ADCY9: variants seen among roughly 807,000 people sequenced by gnomAD.
ADCY9 encodes adenylate cyclase 9, also known as adenylate cyclase type 9.
In ADCY9, 50 loss-of-function variants were observed where a neutral mutation model predicts 101.5. That is an observed-to-expected ratio of 0.49 (90% CI 0.39 to 0.62). The LOEUF is 0.62. Among genes scored for constraint, ADCY9 ranks in the 20% least tolerant of loss-of-function variants. ADCY9 has a pLI of 0.00. For missense variants in ADCY9, 1,662 were observed against 1,800.4 expected, an observed-to-expected ratio of 0.92 and a Z score of 1.39; for synonymous variants, 905 against 769.3, an observed-to-expected ratio of 1.18 and a Z score of -2.92.
chr16:3,972,670 A>C (rs960650271), intron 10 of ADCY9, among the ~76,000 whole-genome samples: 35 of 152,294 alleles, frequency 2.3e-4, no homozygotes, highest in African/African-American at 7.9e-4. Context: ...AGCAAACATC[A>C]CTTGCAGTCC....
intron 2 of ADCY9, among the ~76,000 whole-genome samples, chr16:4,070,666 C>T (rs2056828432): frequency 2.0e-5 from 3 of 152,058 alleles, no homozygotes; most frequent in Middle Eastern, 6.8e-3. Context: ...AAGAAAAAAG[C>T]GAAGTGCAGT....
At chr16:4,012,109 C>T (rs1469398676) in intron 2 of ADCY9, among the ~76,000 whole-genome samples, 1 of 152,186 alleles carries the variant, frequency 6.6e-6, no homozygotes, top group East Asian at 1.9e-4. Flanking sequence ...TTAGGAAGCG[C>T]TGAATGACCA....
chr16:3,981,425 C>A (rs1401525986), intron 7 of ADCY9, among the ~76,000 whole-genome samples: 1 of 152,148 alleles, frequency 6.6e-6, no homozygotes, highest in Non-Finnish European at 1.5e-5. Context: ...GGAAGGCAGA[C>A]CTGGGGGAGT....
Position 3,963,650 on chromosome 16 carries a change from G to A in ADCY9, c.*2125C>T, listed in dbSNP as rs1383139381. 6.7e-6 allele frequency: 2 copies of A among 299,760 alleles called. No individual in the cohort carries two copies. Among genetic ancestry groups the A allele is most frequent in the Non-Finnish European group, 1.2e-5 (2 of 163,672 alleles). 18.6% of individuals were successfully genotyped at this position (299,760 alleles called of 1,614,324 possible). On this transcript the variant is annotated 3_prime_UTR_variant, in exon 11 of 11. Coordinates refer to ENST00000294016, the MANE Select transcript of ADCY9 (RefSeq NM_001116.4). ...TTGATGGGGAAGAAGTGTGTGCGGA[G>A]AACTTTGCGGAGCATGTTCTGAGCG...
At chr16:4,046,231 T>G (rs958747848) in intron 2 of ADCY9, among the ~76,000 whole-genome samples, 8 of 152,070 alleles carry the variant, frequency 5.3e-5, no homozygotes, top group Non-Finnish European at 1.0e-4. Flanking sequence ...ATCAGCACAG[T>G]GCCCAGCACT....
At chr16:4,058,746 T>C (rs1031973642) in intron 2 of ADCY9, among the ~76,000 whole-genome samples, 53 of 152,260 alleles carry the variant, frequency 3.5e-4, no homozygotes, top group African/African-American at 1.2e-3. Flanking sequence ...GCAGCGGAAC[T>C]GAGTCCACCG....
chr16:4,097,487 T>TATATATATACACACACACACAC (rs76750792), intron 2 of ADCY9, among the ~76,000 whole-genome samples: 81 of 72,460 alleles, frequency 1.1e-3, no homozygotes, highest in Non-Finnish European at 1.7e-3. Flanking sequence ...TATATATATA[T>TATATATATACACACACACACAC]ACACACACAC....
At chr16:3,989,716 G>A (rs1225158072) in intron 5 of ADCY9, among the ~76,000 whole-genome samples, 2 of 152,212 alleles carry the variant, frequency 1.3e-5, no homozygotes, top group Non-Finnish European at 2.9e-5. Flanking sequence ...ATTAGGAGAA[G>A]ATGAAGGCAG....
chr16:3,959,088 C>T (rs1488161453), downstream of ADCY9, among the ~76,000 whole-genome samples: 6 of 151,956 alleles, frequency 3.9e-5, no homozygotes, highest in East Asian at 1.9e-4. Context: ...TGGCCAGGCA[C>T]GGTGGCTCAC....
At chr16:4,067,955 A>G (rs2056810716) in intron 2 of ADCY9, among the ~76,000 whole-genome samples, 1 of 152,218 alleles carries the variant, frequency 6.6e-6, no homozygotes. Flanking sequence ...CTTTAATTAA[A>G]TGGGTTAAGG....
Position 4,115,840 on chromosome 16 carries a change from A to C in ADCY9, c.-194T>G. 2.5e-6 allele frequency: 1 copy of C among 401,834 alleles called. No homozygotes were observed. Among genetic ancestry groups the C allele is most frequent in the Non-Finnish European group, 4.4e-6 (1 of 228,540 alleles). The allele number at this position is 401,834 out of a possible 1,614,324, so 24.9% of individuals were successfully genotyped here. A position where few individuals can be genotyped will look rare whatever the true frequency, so the allele number is the denominator to read the frequency against. ...TCGCCTCCTCCAGCTGCGGCTCCGGAGGGAAGTTCAGACCTTGAGCGCTCC... is the reference window on the plus strand; with the variant it reads ...TCGCCTCCTCCAGCTGCGGCTCCGGCGGGAAGTTCAGACCTTGAGCGCTCC... On this transcript the variant is annotated 5_prime_UTR_variant, in exon 1 of 11. Transcript: ENST00000294016. The surrounding 1 kb of genome is among the most constrained non-coding windows in gnomAD (Gnocchi z 6.2).
At chr16:4,023,642 G>C (rs905310468) in intron 2 of ADCY9, among the ~76,000 whole-genome samples, 4 of 152,196 alleles carry the variant, frequency 2.6e-5, no homozygotes, top group Non-Finnish European at 5.9e-5. Flanking sequence ...GCCAGGTGCA[G>C]TGATTCACAC....
In ADCY9 at chr16:4,114,021, C is replaced by A. The variant is rs762008865; in HGVS notation, c.1422G>T (p.Glu474Asp). 4.4e-5 allele frequency: 71 copies of A among 1,613,890 alleles called. 1 individual carries two copies. In the South Asian group the frequency reaches 7.6e-4, roughly 17 times the overall value. Residue 474 changes from glutamate (E) to aspartate (D), a missense_variant, in exon 2 of 11, where the codon GAG becomes GAT. This residue lies in a region of ADCY9 where 228 missense variants were observed against 301.1 expected (regional missense o/e 0.76). Transcript: ENST00000294016. The surrounding 1 kb of genome is among the most constrained non-coding windows in gnomAD (Gnocchi z 4.3). ...EMGLGMIKAI[E>D]QFCQEKKEMV... ...TCTCCTTCTTCTCCTGGCAGAACTG[C>A]TCGATGGCCTTGATCATGCCCAGGC...
In ADCY9 at chr16:4,115,548, G is replaced by C. The variant is rs1168756658; in HGVS notation, c.-43-63C>G. The C allele has an allele frequency of 1.5e-6, 2 of 1,364,360 alleles. No individual in the cohort carries two copies. Among genetic ancestry groups the C allele is most frequent in the Non-Finnish European group, 1.9e-6 (2 of 1,032,046 alleles). 84.5% of individuals were successfully genotyped at this position (1,364,360 alleles called of 1,614,324 possible). A position where few individuals can be genotyped will look rare whatever the true frequency, so the allele number is the denominator to read the frequency against. On this transcript the variant is annotated intron_variant, in intron 1 of 10. Coordinates refer to ENST00000294016, the MANE Select transcript of ADCY9 (RefSeq NM_001116.4). The surrounding 1 kb of genome is among the most constrained non-coding windows in gnomAD (Gnocchi z 6.2). ...CTAGGCATGCACGCCTAGAGGCCCG[G>C]GACCTGCTCCTGTCCTAAGGGGCGG...
rs2055950191 is a variant in ADCY9, at chr16:3,963,014, T to C, written c.*2761A>G. 6.5e-6 allele frequency: 1 copy of C among 154,376 alleles called. No individual in the cohort carries two copies. 9.6% of individuals were successfully genotyped at this position (154,376 alleles called of 1,614,324 possible). ...GAAGTCACGGGTGTGGCAGAGCCTG[T>C]GGGGCTCTCAAGCTATTCGAGGGTT... On this transcript the variant is annotated 3_prime_UTR_variant, in exon 11 of 11. Coordinates refer to ENST00000294016, the MANE Select transcript of ADCY9 (RefSeq NM_001116.4).
chr16:4,015,980 G>A (rs1179186353), intron 2 of ADCY9, among the ~76,000 whole-genome samples: 2 of 144,270 alleles, frequency 1.4e-5, no homozygotes. Context: ...AAAAATAAAA[G>A]AAAAAGAAAA....
chr16:4,089,259 T>C (rs2056958811), intron 2 of ADCY9, among the ~76,000 whole-genome samples: 1 of 151,850 alleles, frequency 6.6e-6, no homozygotes, highest in Non-Finnish European at 1.5e-5. Flanking sequence ...GTTGACAGGA[T>C]TTTGACATGT....
chr16:4,008,918 A>G (rs1390256713), intron 2 of ADCY9, among the ~76,000 whole-genome samples: 1 of 152,180 alleles, frequency 6.6e-6, no homozygotes, highest in Non-Finnish European at 1.5e-5. Context: ...GAAAGATGCC[A>G]TCGAGAGGCG....
At chr16:4,056,022 T>C (rs2056735475) in intron 2 of ADCY9, among the ~76,000 whole-genome samples, 1 of 152,036 alleles carries the variant, frequency 6.6e-6, no homozygotes, top group Admixed American at 6.6e-5. Context: ...TTAGCTCCCA[T>C]AGACAGGCAG....
Sources: allele counts gnomAD v4.1 joint callset (sites outside exome capture counted in the v4.1 genomes callset), GRCh38; gene constraint gnomAD v4.1.1; regional missense constraint gnomAD v4.1.1; non-coding constraint Gnocchi (gnomAD v3.1); transcripts MANE v1.5; gene names NCBI Gene and HGNC (gene_info 2026-07-23, HGNC 2026-07-21).